The following WAPL variants were observed in gnomAD, a reference collection of about 807,000 sequenced individuals.
WAPL encodes the protein WAPL cohesin release factor.
WAPL carries 5 observed loss-of-function variants against 121.0 expected under a neutral mutation model. The observed-to-expected ratio is 0.04, with a 90% confidence interval of 0.02 to 0.09. The LOEUF (loss-of-function observed/expected upper bound fraction) is 0.09. Ranked by LOEUF, WAPL falls within the 10% of genes least tolerant of loss-of-function variation. The probability of loss-of-function intolerance (pLI) is 1.00; values close to 1 mark genes in which losing one functional copy is unlikely to be tolerated. For missense variants in WAPL, 999 were observed against 1,410.8 expected, an observed-to-expected ratio of 0.71 and a Z score of 4.68; for synonymous variants, 480 against 481.5, an observed-to-expected ratio of 1.00 and a Z score of 0.04.
At chr10:86,479,350 C>T (rs1406353183) in intron 4 of WAPL, among the ~76,000 whole-genome samples, 4 of 152,056 alleles carry the variant, frequency 2.6e-5, no homozygotes, top group Non-Finnish European at 5.9e-5. Context: ...CTGCGCCTCC[C>T]GGGTTCAAGC....
chr10:86,438,112 ATTTTT>A (rs1849369897), intron 17 of WAPL, 97 bp from the exon 18 acceptor site: 1 of 803,292 alleles, frequency 1.2e-6, no homozygotes, highest in East Asian at 2.5e-5. Flanking sequence ...CTTGGTGCAA[ATTTTT>A]AAGATCCTTG....
At chr10:86,464,355 A>G (rs1841353422) in intron 9 of WAPL, among the ~76,000 whole-genome samples, 1 of 152,224 alleles carries the variant, frequency 6.6e-6, no homozygotes, top group Non-Finnish European at 1.5e-5. Context: ...ACATAAGACA[A>G]ATTCAATTAT....
rs1185715438 is a variant in WAPL, at chr10:86,451,951, T to C, written c.3114+16A>G. On this transcript the variant is annotated intron_variant, in intron 15 of 18. Coordinates refer to ENST00000298767, the MANE Select transcript of WAPL (RefSeq NM_015045.5). ...CAAACTGCAGTTATGAGTTTGTTTT[T>C]AAAGTGGTTGCTTACCTGCACTAAA... The C allele has an allele frequency of 6.2e-7, 1 of 1,610,926 alleles. No individual in the cohort carries two copies. The highest frequency in any genetic ancestry group is 8.5e-7 in the Non-Finnish European group (1 of 1,178,750).
chr10:86,482,546 A>G lies in WAPL; in HGVS notation c.1645-8573T>C, dbSNP rs529881826. Among the ~76,000 whole-genome samples the G allele has an allele frequency of 1.2e-3, 180 of 152,342 alleles. 2 individuals are homozygous for G. In the South Asian group the frequency reaches 0.031, roughly 26 times the overall value. On this transcript the variant is annotated intron_variant, in intron 4 of 18. Transcript: ENST00000298767. ...AAAGAGAATCATTACTCCTCGGAGA[A>G]TGGACCTGATCCCGAGCCTACAGCT...
chr10:86,449,046 T>C (rs1009909061), intron 15 of WAPL, among the ~76,000 whole-genome samples: 13 of 152,124 alleles, frequency 8.5e-5, no homozygotes, highest in East Asian at 1.9e-4. Flanking sequence ...TGACTTTTTT[T>C]CCCCCACTAC....
At chr10:86,448,259 T>A (rs1330777636) in intron 15 of WAPL, among the ~76,000 whole-genome samples, 1 of 151,982 alleles carries the variant, frequency 6.6e-6, no homozygotes, top group Non-Finnish European at 1.5e-5. Context: ...GGAGGATCAC[T>A]TGAGTGCAAG....
At chr10:86,513,551 G>T (rs1479890401) in intron 2 of WAPL, among the ~76,000 whole-genome samples, 2 of 152,040 alleles carry the variant, frequency 1.3e-5, no homozygotes, top group Non-Finnish European at 2.9e-5. Context: ...GGTCAGGCTG[G>T]TCTCGAACTC....
intron 3 of WAPL, among the ~76,000 whole-genome samples, chr10:86,499,247 T>C (rs1842201497): frequency 6.6e-6 from 1 of 152,222 alleles, no homozygotes. Context: ...TGAAATGCTG[T>C]ACCTTTAGAT....
Position 86,517,987 on chromosome 10 carries a change from C to G in WAPL, c.83G>C (p.Arg28Pro). 1 of 1,614,076 alleles carries G rather than the reference C, an allele frequency of 6.2e-7. No individual in the cohort carries two copies. Among genetic ancestry groups the G allele is most frequent in the East Asian group, 2.2e-5 (1 of 44,876 alleles). The change falls in exon 2 of 19, where the codon CGG becomes CCG. Residue 28 changes from arginine (R) to proline (P), a missense_variant. Transcript: ENST00000298767. The part of the protein sequence containing the change: ...SKFDEVFSNK[R>P]TTLSTKWGET... ...TCCCCATTTTGTGCTAAGGGTAGTC[C>G]GTTTGTTGGAAAAGACTTCATCGAA...
intron 4 of WAPL, among the ~76,000 whole-genome samples, chr10:86,479,077 T>C (rs1841724420): frequency 6.6e-6 from 1 of 151,774 alleles, no homozygotes; most frequent in Admixed American, 6.6e-5. Context: ...ACAGCCTGGG[T>C]GACAGAGTGA....
intron 17 of WAPL, among the ~76,000 whole-genome samples, chr10:86,439,829 T>C (rs951740197): frequency 3.3e-5 from 5 of 152,202 alleles, no homozygotes; most frequent in African/African-American, 1.2e-4. Context: ...GTGAGGAGAC[T>C]GACCACTGCA....
At position 86,472,739 on chromosome 10, in the gene WAPL, T is replaced by C; in HGVS notation, c.1766A>G (p.Asn589Ser). The C allele has an allele frequency of 1.2e-6, 2 of 1,613,396 alleles. No homozygotes were observed. The highest frequency in any genetic ancestry group is 1.7e-6 in the Non-Finnish European group (2 of 1,179,630). ...VTVRLSSKEPNQKDDGVFKAP... is the reference protein window; with the variant it reads ...VTVRLSSKEPSQKDDGVFKAP... ...CTTAAAAACTCCATCATCTTTTTGATTTGGTTCCTTTGAAGACAGCCTCAC... is the reference window on the plus strand; with the variant it reads ...CTTAAAAACTCCATCATCTTTTTGACTTGGTTCCTTTGAAGACAGCCTCAC... The change falls in exon 6 of 19, where the codon AAT becomes AGT. Residue 589 changes from asparagine to serine, a missense_variant. Transcript: ENST00000298767. This position sits in a 1 kb window ranked among gnomAD's most constrained non-coding sequence, Gnocchi z 4.2.
At position 86,438,824 on chromosome 10, in the gene WAPL, A is replaced by G. The variant is rs538419602; in HGVS notation, c.3412-809T>C. 3.9e-4 allele frequency among the ~76,000 whole-genome samples: 60 copies of G among 152,370 alleles called. No homozygotes were observed. The South Asian group carries it at 0.01, about 26-fold the overall frequency. On this transcript the variant is annotated intron_variant, in intron 17 of 18. Transcript: ENST00000298767. ...CTCATCTATGATAGATTCTCAGACAATATCAGGAGAGAAAACCCTTCATTA... is the reference window on the plus strand; with the variant it reads ...CTCATCTATGATAGATTCTCAGACAGTATCAGGAGAGAAAACCCTTCATTA...
chr10:86,507,365 C>CAAAA (rs34752630), intron 2 of WAPL, among the ~76,000 whole-genome samples: 6,445 of 77,278 alleles, frequency 0.083, 447 homozygotes, highest in African/African-American at 0.14. Context: ...GACTCTGTCT[C>CAAAA]AAAAAAAAAA....
intron 2 of WAPL, among the ~76,000 whole-genome samples, chr10:86,514,868 G>A (rs1379099886): frequency 9.2e-5 from 14 of 152,186 alleles, no homozygotes; most frequent in Admixed American, 7.2e-4. Flanking sequence ...ATACACTTAA[G>A]GAAGATGGAG....
intron 9 of WAPL, 96 bp downstream of exon 9, chr10:86,467,166 GTAAACCAAGGTTAGAAT>G: frequency 7.1e-6 from 7 of 989,738 alleles, no homozygotes; most frequent in Non-Finnish European, 1.0e-5. Flanking sequence ...TTGCCAAACT[GTAAACCAAGGTTAGAAT>G]TAAAATAATT....
In WAPL at chr10:86,443,326, A is replaced by G; in HGVS notation, c.3360T>C (p.Ile1120=). The change falls in exon 17 of 19, where the codon ATT becomes ATC. Residue 1120 remains isoleucine (I), a synonymous_variant. Transcript: ENST00000298767. ...GAAGTAGTGCTGTGTAGGAGGCCAC[A>G]ATGCAATCCTCCATGTGTTTGCCGG... is the stretch of plus-strand genomic sequence containing the variant. ...QHAGKHMEDC[I]VASYTALLLG... The G allele has an allele frequency of 6.2e-7, 1 of 1,614,106 alleles. No homozygotes were observed. The highest frequency in any genetic ancestry group is 8.5e-7 in the Non-Finnish European group (1 of 1,179,978).
intron 2 of WAPL, among the ~76,000 whole-genome samples, chr10:86,515,771 G>T (rs1263436627): frequency 1.3e-5 from 2 of 150,404 alleles, no homozygotes; most frequent in Admixed American, 1.3e-4. Context: ...AACACAGCGA[G>T]ACTGTGTCTC....
chr10:86,486,350 C>T (rs1393357977), intron 4 of WAPL, among the ~76,000 whole-genome samples: 1 of 152,152 alleles, frequency 6.6e-6, no homozygotes, highest in Non-Finnish European at 1.5e-5. Flanking sequence ...AAAGTCTCTT[C>T]AATTGTAAGA....
Sources: gnomAD v4.1 joint callset for allele counts (sites outside exome capture counted in the v4.1 genomes callset) on GRCh38, gnomAD v4.1.1 for gene constraint, Gnocchi (gnomAD v3.1) non-coding constraint, MANE v1.5 for transcripts, NCBI Gene and HGNC (gene_info 2026-07-23, HGNC 2026-07-21) for gene names.